The following ZBTB16 variants were observed in gnomAD, a reference collection of about 807,000 sequenced individuals.
The protein encoded by ZBTB16 is zinc finger and BTB domain-containing protein 16.
ZBTB16 carries 8 observed loss-of-function variants against 56.8 expected under a neutral mutation model. The observed-to-expected ratio is 0.14, with a 90% CI of 0.08 to 0.25. ZBTB16 has a LOEUF of 0.25. Among genes scored for constraint, ZBTB16 ranks in the 10% least tolerant of loss-of-function variants. The pLI is 1.00. For synonymous variants in ZBTB16, 363 were observed against 368.5 expected (o/e 0.98, Z 0.17); for missense variants, 625 against 903.0 (o/e 0.69, Z 3.95).
chr11:114,165,222 C>T (rs748107903), intron 3 of ZBTB16, among the ~76,000 whole-genome samples: 1 of 152,212 alleles, frequency 6.6e-6, no homozygotes, highest in Non-Finnish European at 1.5e-5. Flanking sequence ...CCCTAGAATG[C>T]TCCCAGCACC....
chr11:114,235,791 CTTT>C (rs576028880), intron 4 of ZBTB16, among the ~76,000 whole-genome samples: 2 of 115,316 alleles, frequency 1.7e-5, no homozygotes, highest in Non-Finnish European at 1.8e-5. Flanking sequence ...CTTCCTTCTC[CTTT>C]TTTTTTTTTT....
chr11:114,221,244 A>G (rs1265570413), intron 4 of ZBTB16, among the ~76,000 whole-genome samples: 1 of 152,226 alleles, frequency 6.6e-6, no homozygotes, highest in Non-Finnish European at 1.5e-5. Flanking sequence ...TTTTCTTTCT[A>G]TGAAGATCTT....
At position 114,133,362 on chromosome 11, in the gene ZBTB16, C is replaced by A. The variant is rs1026065496; in HGVS notation, c.1269-22975C>A. ...CCTGCTGGCAGAGTGCCCACTGGAT[C>A]TTCCATTGAAGGTCTCCATCTGCCT... On this transcript the variant is annotated intron_variant, in intron 2 of 6. Transcript: ENST00000335953. Among the ~76,000 whole-genome samples, 13 of 152,282 alleles carry A rather than the reference C, an allele frequency of 8.5e-5. 1 individual carries two copies. The South Asian group carries it at 2.7e-3, about 32-fold the overall frequency.
chr11:114,068,128 A>G (rs1591635441), intron 2 of ZBTB16, among the ~76,000 whole-genome samples: 1 of 151,254 alleles, frequency 6.6e-6, no homozygotes, highest in East Asian at 1.9e-4. Flanking sequence ...CTGGAAATAT[A>G]TCAGTGATAA....
At chr11:114,178,882 G>C (rs141643158) in intron 3 of ZBTB16, among the ~76,000 whole-genome samples, 53 of 152,306 alleles carry the variant, frequency 3.5e-4, no homozygotes, top group African/African-American at 1.2e-3. Flanking sequence ...TCATTTGCCA[G>C]GTCACTGGTG....
chr11:114,218,841 A>G (rs1352792431), intron 4 of ZBTB16, among the ~76,000 whole-genome samples: 1 of 152,256 alleles, frequency 6.6e-6, no homozygotes, highest in East Asian at 1.9e-4. Flanking sequence ...ATTCAATGAT[A>G]AGAATTTAAA....
At chr11:114,230,264 G>T (rs1944410996) in intron 4 of ZBTB16, among the ~76,000 whole-genome samples, 1 of 152,182 alleles carries the variant, frequency 6.6e-6, no homozygotes, top group Non-Finnish European at 1.5e-5. Context: ...GCAGGTACAT[G>T]AAACAAACGC....
chr11:114,139,675 T>G (rs1941895072), intron 2 of ZBTB16, among the ~76,000 whole-genome samples: 1 of 138,778 alleles, frequency 7.2e-6, no homozygotes, highest in South Asian at 2.2e-4. Context: ...AGTAGAGGAT[T>G]CTTATGGAAG....
rs901330635 is a variant in ZBTB16, at chr11:114,254,087, T to C, written c.*3532T>C. Among the ~76,000 whole-genome samples, 1 of 19,488 alleles carries C rather than the reference T, an allele frequency of 5.1e-5. No homozygotes were observed. 12.8% of individuals were successfully genotyped at this position (19,488 alleles called of 152,430 possible). A position where few individuals can be genotyped will look rare whatever the true frequency, so the allele number is the denominator to read the frequency against. ...GTCCCTTAATGCATTTGGTGACATT[T>C]ACACCTCATGTGCTCTTTCCCTATT... On this transcript the variant is annotated 3_prime_UTR_variant, in exon 7 of 7. Transcript: ENST00000335953.
rs537058801 is a variant in ZBTB16 at position 114,205,535 on chromosome 11, A to G, written c.1453+18497A>G. On this transcript the variant is annotated intron_variant, in intron 4 of 6. Coordinates refer to ENST00000335953, the MANE Select transcript of ZBTB16 (RefSeq NM_006006.6). The stretch of plus-strand genomic sequence containing the variant: ...GGAGAAGATCCATTACAGATTGGAA[A>G]TGACTTTGTCTCTTAAGTGTGCATT... Among the ~76,000 whole-genome samples the G allele has an allele frequency of 2.8e-4, 43 of 152,310 alleles. 1 individual carries two copies. The South Asian group carries it at 7.5e-3, about 26-fold the overall frequency.
chr11:114,132,545 C>T (rs1246499932), intron 2 of ZBTB16, among the ~76,000 whole-genome samples: 1 of 152,146 alleles, frequency 6.6e-6, no homozygotes, highest in East Asian at 1.9e-4. Flanking sequence ...AGTTGCTTAC[C>T]CTCCCTGAGC....
intron 4 of ZBTB16, among the ~76,000 whole-genome samples, chr11:114,205,487 C>T (rs760734372): frequency 6.6e-5 from 10 of 152,094 alleles, no homozygotes; most frequent in South Asian, 2.1e-4. Context: ...TTGGGTCAGA[C>T]GCAATGTTCC....
At position 114,252,767 on chromosome 11, in the gene ZBTB16, C is replaced by G. The variant is rs886371842; in HGVS notation, c.*2212C>G. ...TGTAGGGAAGCCGGAGGGATGGGTGCTGCTGCGACGACCCCCCCGTCCCTC... is the reference window on the plus strand; with the variant it reads ...TGTAGGGAAGCCGGAGGGATGGGTGGTGCTGCGACGACCCCCCCGTCCCTC... On this transcript the variant is annotated 3_prime_UTR_variant, in exon 7 of 7. Coordinates refer to ENST00000335953, the MANE Select transcript of ZBTB16 (RefSeq NM_006006.6). Among the ~76,000 whole-genome samples, 3 of 152,122 alleles carry G rather than the reference C, an allele frequency of 2.0e-5. No homozygotes were observed. The highest frequency in any genetic ancestry group is 7.2e-5 in the African/African-American group (3 of 41,394).
intron 4 of ZBTB16, among the ~76,000 whole-genome samples, chr11:114,238,090 G>C (rs560974799): frequency 3.3e-5 from 5 of 152,266 alleles, no homozygotes; most frequent in Middle Eastern, 3.4e-3. Context: ...TGGCCATCTG[G>C]GATTTTTTGC....
At position 114,167,909 on chromosome 11, in the gene ZBTB16, C is replaced by T. The variant is rs572488263; in HGVS notation, c.1366+11475C>T. ...CTAGGCCTGGTGCCCGACCGGCGAGCGTTCCTTTTTCTCTTCTCTTTTGAA... is the reference window on the plus strand; with the variant it reads ...CTAGGCCTGGTGCCCGACCGGCGAGTGTTCCTTTTTCTCTTCTCTTTTGAA... On this transcript the variant is annotated intron_variant, in intron 3 of 6. Transcript: ENST00000335953. 7.6e-4 allele frequency among the ~76,000 whole-genome samples: 116 copies of T among 152,290 alleles called. 1 individual carries two copies. Among genetic ancestry groups the T allele is most frequent in the Admixed American group, 4.8e-3 (74 of 15,292 alleles).
At chr11:114,111,065 A>G (rs771960857) in intron 2 of ZBTB16, among the ~76,000 whole-genome samples, 7 of 152,224 alleles carry the variant, frequency 4.6e-5, no homozygotes, top group Non-Finnish European at 8.8e-5. Context: ...AAGGAAGGTC[A>G]CAAAACATGA....
intron 4 of ZBTB16, 165 bp downstream of exon 4, chr11:114,187,203 T>A: frequency 1.4e-6 from 1 of 729,894 alleles, no homozygotes; most frequent in Non-Finnish European, 2.4e-6. Context: ...TACTCTTGTC[T>A]GTGTGGCTGG....
At chr11:114,236,391 A>G (rs1944590395) in intron 4 of ZBTB16, among the ~76,000 whole-genome samples, 1 of 152,162 alleles carries the variant, frequency 6.6e-6, no homozygotes, top group Admixed American at 6.5e-5. Context: ...CTGGGCCAGA[A>G]TTGGGATCTT....
intron 4 of ZBTB16, among the ~76,000 whole-genome samples, chr11:114,225,132 G>A (rs767285625): frequency 4.6e-5 from 7 of 152,144 alleles, no homozygotes; most frequent in East Asian, 1.9e-4. Flanking sequence ...GTTGGACGAC[G>A]GGCCTTGAAG....
Sources: gnomAD v4.1 joint callset for allele counts (sites outside exome capture counted in the v4.1 genomes callset) on GRCh38, gnomAD v4.1.1 for gene constraint, MANE v1.5 for transcripts, NCBI Gene and HGNC (gene_info 2026-07-23, HGNC 2026-07-21) for gene names.